Variants in TASP1 observed in about 807,000 individuals in gnomAD.
TASP1 encodes taspase 1, also known as threonine aspartase 1.
A neutral mutation model predicts 56.6 loss-of-function variants in TASP1; 16 were observed. That is an observed-to-expected ratio of 0.28 (90% CI 0.19 to 0.43). The LOEUF (loss-of-function observed/expected upper bound fraction) is 0.43. Ranked by LOEUF, TASP1 falls within the 20% of genes least tolerant of loss-of-function variation. The probability of loss-of-function intolerance (pLI) is 1.00; values close to 1 mark genes in which losing one functional copy is unlikely to be tolerated. For missense variants in TASP1, 393 were observed against 511.6 expected, an observed-to-expected ratio of 0.77 and a Z score of 2.24; for synonymous variants, 179 against 184.2, an observed-to-expected ratio of 0.97 and a Z score of 0.23.
At chr20:13,516,658 G>GTTTTTTTTTT (rs34296221) in intron 10 of TASP1, among the ~76,000 whole-genome samples, 1 of 124,852 alleles carries the variant, frequency 8.0e-6, no homozygotes, top group Non-Finnish European at 1.7e-5. Context: ...TTACGCCTTT[G>GTTTTTTTTTT]TTTTTTTTTT....
chr20:13,178,715 T>C, the TASP1 span, among the ~76,000 whole-genome samples: 12 of 149,850 alleles, frequency 8.0e-5, no homozygotes, highest in Non-Finnish European at 7.4e-5. Context: ...GTTGATCTTA[T>C]AGAAGTAAAA....
chr20:13,261,999 C>A, the TASP1 span, among the ~76,000 whole-genome samples: 3 of 152,186 alleles, frequency 2.0e-5, no homozygotes, highest in Admixed American at 6.5e-5. Flanking sequence ...TGTTCGACAC[C>A]CGTTCCCTCT....
At chr20:13,615,910 G>T (rs1454212141) in intron 4 of TASP1, among the ~76,000 whole-genome samples, 1 of 152,152 alleles carries the variant, frequency 6.6e-6, no homozygotes, top group Non-Finnish European at 1.5e-5. Context: ...TCAAAAGGTA[G>T]TCTTTGAAAT....
chr20:13,412,059 C>A (rs1218351498), intron 13 of TASP1, among the ~76,000 whole-genome samples: 1 of 152,222 alleles, frequency 6.6e-6, no homozygotes, highest in African/African-American at 2.4e-5. Context: ...TGGCCACTGC[C>A]ATGTATTTGG....
chr20:13,364,520 C>A, the TASP1 span, among the ~76,000 whole-genome samples: 10 of 151,986 alleles, frequency 6.6e-5, no homozygotes, highest in Non-Finnish European at 1.3e-4. Flanking sequence ...CATCTTTTGT[C>A]CCCATAGTGA....
the TASP1 span, among the ~76,000 whole-genome samples, chr20:13,169,693 T>C: frequency 6.6e-6 from 1 of 152,156 alleles, no homozygotes; most frequent in Non-Finnish European, 1.5e-5. Flanking sequence ...TTTTTTAAAG[T>C]TTTATATCAG....
chr20:13,214,519 GCACACACACACACACA>G, the TASP1 span, among the ~76,000 whole-genome samples: 903 of 115,734 alleles, frequency 7.8e-3, 10 homozygotes, highest in African/African-American at 0.025. Flanking sequence ...ACAGAGACAG[GCACACACACACACACA>G]CACACACACA....
chr20:13,146,818 C>T, the TASP1 span, among the ~76,000 whole-genome samples: 4 of 152,284 alleles, frequency 2.6e-5, no homozygotes, highest in Non-Finnish European at 4.4e-5. Context: ...ATGGAATTCA[C>T]GCCTCATCAT....
At chr20:13,405,615 C>T (rs935188147) in intron 13 of TASP1, among the ~76,000 whole-genome samples, 10 of 151,998 alleles carry the variant, frequency 6.6e-5, no homozygotes, top group African/African-American at 1.7e-4. Flanking sequence ...GGCGTGATCT[C>T]GGCTCACTGC....
intron 11 of TASP1, among the ~76,000 whole-genome samples, chr20:13,467,354 T>C (rs939617876): frequency 1.3e-5 from 2 of 150,962 alleles, no homozygotes; most frequent in Non-Finnish European, 2.9e-5. Flanking sequence ...TGCCTAAGAC[T>C]ACAAATAGTA....
chr20:13,274,894 T>G, the TASP1 span, among the ~76,000 whole-genome samples: 28,702 of 152,136 alleles, frequency 0.19, 2,790 homozygotes, highest in Admixed American at 0.22. Context: ...ACTACTAAAC[T>G]GAGTCTCCAT....
chr20:13,253,862 CAT>C, the TASP1 span, among the ~76,000 whole-genome samples: 3,480 of 140,080 alleles, frequency 0.025, 127 homozygotes, highest in African/African-American at 0.087. Context: ...CATCCATATC[CAT>C]ATATATATAT....
chr20:13,154,104 G>T, the TASP1 span: 13 of 1,614,146 alleles, frequency 8.1e-6, no homozygotes, highest in Non-Finnish European at 1.1e-5. Context: ...TGCTTCTGTT[G>T]TTCCTCTGCT....
In TASP1 at chr20:13,499,463, TA is replaced by T. The variant is rs61471647; in HGVS notation, c.875-16127del. On this transcript the variant is annotated intron_variant, in intron 10 of 13. Transcript: ENST00000337743. ...TCTAAAATAAAAGCTGAAATCTCTT[TA>T]AAAAAAAAAAAAGAAAGAAAGAGAA... Among the ~76,000 whole-genome samples the T allele has an allele frequency of 8.3e-3, 1,179 of 142,578 alleles. 12 individuals are homozygous for T. The highest frequency in any genetic ancestry group is 0.026 in the African/African-American group (992 of 38,326). The allele number at this position is 142,578 out of a possible 152,430, so 93.5% of individuals were successfully genotyped here.
intron 13 of TASP1, among the ~76,000 whole-genome samples, chr20:13,414,522 T>C (rs996972647): frequency 1.8e-4 from 27 of 152,198 alleles, no homozygotes; most frequent in Non-Finnish European, 4.4e-5. Context: ...ATTTTCACTG[T>C]GGTTATAAAA....
At chr20:13,248,397 A>G in the TASP1 span, among the ~76,000 whole-genome samples, 2 of 152,266 alleles carry the variant, frequency 1.3e-5, no homozygotes, top group South Asian at 4.1e-4. Context: ...GATGGGCCTT[A>G]CCAGTGAGAT....
intron 4 of TASP1, among the ~76,000 whole-genome samples, chr20:13,602,906 A>T (rs2048016916): frequency 6.6e-6 from 1 of 152,280 alleles, no homozygotes; most frequent in Non-Finnish European, 1.5e-5. Context: ...TTGTTTTGTA[A>T]ATCTTTAAAC....
At chr20:13,197,621 C>T in the TASP1 span, among the ~76,000 whole-genome samples, 14 of 152,218 alleles carry the variant, frequency 9.2e-5, no homozygotes, top group Admixed American at 8.5e-4. Context: ...TGAATCAAAA[C>T]CTACTTATAC....
chr20:13,126,838 A>T, the TASP1 span: 1 of 1,335,312 alleles, frequency 7.5e-7, no homozygotes, highest in Non-Finnish European at 9.9e-7. Context: ...AAATCAAGCC[A>T]TGTGATAAAT....
Sources: gnomAD v4.1 joint callset for allele counts (sites outside exome capture counted in the v4.1 genomes callset) on GRCh38, gnomAD v4.1.1 for gene constraint, MANE v1.5 for transcripts, NCBI Gene and HGNC (gene_info 2026-07-23, HGNC 2026-07-21) for gene names.